Variants in CSMD1 observed in about 807,000 individuals in gnomAD.
CSMD1 encodes the protein CUB and sushi domain-containing protein 1.
In CSMD1, 213 loss-of-function variants were observed where a neutral mutation model predicts 417.5. The observed-to-expected ratio is 0.51, with a 90% CI of 0.46 to 0.57. The LOEUF (loss-of-function observed/expected upper bound fraction) is 0.57, where lower values mean the gene tolerates loss of function less well. Ranked by LOEUF, CSMD1 falls within the 20% of genes least tolerant of loss-of-function variation. The pLI is 0.00. For missense variants in CSMD1, 6,923 were observed against 4,529.7 expected (o/e 1.53, Z -15.17); for synonymous variants, 2,862 against 1,736.8 (o/e 1.65, Z -16.11).
intron 3 of CSMD1, among the ~76,000 whole-genome samples, chr8:4,369,965 C>T (rs1242000220): frequency 6.6e-6 from 1 of 152,076 alleles, no homozygotes; most frequent in East Asian, 1.9e-4. Context: ...TCAATACTGA[C>T]ACGTGAGAAT....
At chr8:4,411,943 T>TA (rs1372929676) in intron 3 of CSMD1, among the ~76,000 whole-genome samples, 1 of 152,076 alleles carries the variant, frequency 6.6e-6, no homozygotes, top group Non-Finnish European at 1.5e-5. Context: ...TTAATAGTAC[T>TA]AGAACTTACG....
At chr8:4,909,566 C>T (rs776775833) in intron 1 of CSMD1, among the ~76,000 whole-genome samples, 4 of 152,124 alleles carry the variant, frequency 2.6e-5, no homozygotes, top group Non-Finnish European at 4.4e-5. Flanking sequence ...TTTCCTTGAC[C>T]TGCCAGAGGT....
intron 1 of CSMD1, among the ~76,000 whole-genome samples, chr8:4,879,650 C>G (rs1803270743): frequency 6.6e-6 from 1 of 151,864 alleles, no homozygotes; most frequent in Admixed American, 6.6e-5. Context: ...ATAGGAAAGT[C>G]TGAGATAAAC....
At chr8:4,680,835 C>A (rs907202719) in intron 1 of CSMD1, among the ~76,000 whole-genome samples, 1 of 152,060 alleles carries the variant, frequency 6.6e-6, no homozygotes. Flanking sequence ...CCGCCTTGGC[C>A]TCCCAAAGTG....
intron 3 of CSMD1, among the ~76,000 whole-genome samples, chr8:4,058,475 T>A (rs1423481494): frequency 1.3e-5 from 2 of 152,200 alleles, no homozygotes; most frequent in East Asian, 1.9e-4. Context: ...TCACGTCATC[T>A]GCAAACAGGG....
intron 10 of CSMD1, among the ~76,000 whole-genome samples, chr8:3,501,959 A>G (rs1328277293): frequency 6.6e-6 from 1 of 152,194 alleles, no homozygotes; most frequent in Admixed American, 6.5e-5. Flanking sequence ...CACATACAAC[A>G]ATCATTGCTG....
At position 4,540,965 on chromosome 8, in the gene CSMD1, T is replaced by C. The variant is rs1021076283; in HGVS notation, c.302+96377A>G. The stretch of plus-strand genomic sequence containing the variant: ...TGATTCTTGCATACAATAGGGTTAA[T>C]AGCACAGGTAAAGGGTCTGAAACAT... On this transcript the variant is annotated intron_variant, in intron 2 of 69. Coordinates refer to ENST00000635120, the MANE Select transcript of CSMD1 (RefSeq NM_033225.6). Among the ~76,000 whole-genome samples, 3 of 152,346 alleles carry C rather than the reference T, an allele frequency of 2.0e-5. No homozygotes were observed. The East Asian group carries it at 5.8e-4, about 29-fold the overall frequency.
At chr8:3,697,656 T>C (rs773526292) in intron 7 of CSMD1, among the ~76,000 whole-genome samples, 1 of 152,180 alleles carries the variant, frequency 6.6e-6, no homozygotes, top group African/African-American at 2.4e-5. Context: ...CAAACATGAA[T>C]CATTCATAAT....
intron 9 of CSMD1, among the ~76,000 whole-genome samples, chr8:3,581,886 C>T (rs535179066): frequency 6.6e-6 from 1 of 152,262 alleles, no homozygotes; most frequent in South Asian, 2.1e-4. Flanking sequence ...CTTACTGCAA[C>T]CGCCACCTTC....
At chr8:4,124,696 G>A (rs1802666261) in intron 3 of CSMD1, among the ~76,000 whole-genome samples, 1 of 152,168 alleles carries the variant, frequency 6.6e-6, no homozygotes, top group South Asian at 2.1e-4. Context: ...GGTCAATAGG[G>A]ACTTCCCTAA....
In CSMD1 at chr8:3,407,951, T is replaced by A; in HGVS notation, c.2019A>T (p.Glu673Asp). The part of the protein sequence containing the change: ...LASSGHIVRL[E>D]FQSDHSTTGR... ...CAGTAGTGGAATGGTCAGACTGAAA[T>A]TCCAAGCGAACTATATGCCCACTGC... Residue 673 changes from glutamate to aspartate, a missense_variant, in exon 14 of 70, where the codon GAA becomes GAT. Glu to Asp is a conservative substitution (Grantham distance 45). Transcript: ENST00000635120. 1 of 1,613,542 alleles carries A rather than the reference T, an allele frequency of 6.2e-7. No individual in the cohort carries two copies. The highest frequency in any genetic ancestry group is 1.3e-5 in the African/African-American group (1 of 75,000).
chr8:3,299,841 C>T (rs143340181), intron 25 of CSMD1, among the ~76,000 whole-genome samples: 60 of 152,208 alleles, frequency 3.9e-4, no homozygotes, highest in African/African-American at 1.4e-3. Flanking sequence ...ACTGAAAAGC[C>T]TTTGTCCAGT....
chr8:4,608,464 G>C (rs182983662), intron 2 of CSMD1, among the ~76,000 whole-genome samples: 3 of 152,304 alleles, frequency 2.0e-5, no homozygotes, highest in Admixed American at 2.0e-4. Context: ...ACGTGGAGGA[G>C]GAGAGACAGA....
At chr8:2,991,677 T>C (rs1806401024) in intron 54 of CSMD1, among the ~76,000 whole-genome samples, 1 of 152,018 alleles carries the variant, frequency 6.6e-6, no homozygotes, top group Non-Finnish European at 1.5e-5. Flanking sequence ...AAAATGCGAG[T>C]GAATATGAGT....
chr8:3,310,747 G>A (rs2117410705), intron 23 of CSMD1, among the ~76,000 whole-genome samples: 1 of 151,560 alleles, frequency 6.6e-6, no homozygotes, highest in African/African-American at 2.4e-5. Flanking sequence ...TGTCCGTGAA[G>A]AACAAAGCTG....
Position 2,963,335 on chromosome 8 carries a change from C to A in CSMD1, c.9341G>T (p.Arg3114Leu), listed in dbSNP as rs777584729. The change falls in exon 60 of 70, where the codon CGC becomes CTC. Residue 3114 changes from arginine (R) to leucine (L), a missense_variant. Transcript: ENST00000635120. ...GCTGTAACTTATGCTGGAGCCCCAG[C>A]GGAAATCACTTCCCTCCACTGTTCC... ...QNGTVEGSDFRWGSSISYSCM... is the reference protein window; with the variant it reads ...QNGTVEGSDFLWGSSISYSCM... 2.5e-6 allele frequency: 4 copies of A among 1,613,912 alleles called. No individual in the cohort carries two copies. The East Asian group carries it at 6.7e-5, about 27-fold the overall frequency.
intron 1 of CSMD1, among the ~76,000 whole-genome samples, chr8:4,974,154 T>C (rs1203035951): frequency 1.3e-5 from 2 of 151,830 alleles, no homozygotes; most frequent in Non-Finnish European, 2.9e-5. Flanking sequence ...GTAGCTGAGA[T>C]TACAGGCACA....
At chr8:3,615,592 C>A (rs1802097085) in intron 8 of CSMD1, among the ~76,000 whole-genome samples, 1 of 152,186 alleles carries the variant, frequency 6.6e-6, no homozygotes, top group East Asian at 1.9e-4. Context: ...ATTTTACCAA[C>A]TTCAATATAG....
At chr8:4,078,496 C>A (rs925540044) in intron 3 of CSMD1, among the ~76,000 whole-genome samples, 1 of 151,628 alleles carries the variant, frequency 6.6e-6, no homozygotes, top group South Asian at 2.1e-4. Flanking sequence ...GATCTCCTGA[C>A]CTTGTGATCT....
Sources: allele counts gnomAD v4.1 joint callset (sites outside exome capture counted in the v4.1 genomes callset), GRCh38; gene constraint gnomAD v4.1.1; transcripts MANE v1.5; gene names NCBI Gene and HGNC (gene_info 2026-07-23, HGNC 2026-07-21).